The following DCLK1 variants were observed in gnomAD, a reference collection of about 807,000 sequenced individuals.
DCLK1 encodes the protein doublecortin like kinase 1, also known as serine/threonine-protein kinase DCLK1.
A neutral mutation model predicts 86.2 loss-of-function variants in DCLK1; 16 were observed. The observed-to-expected ratio is 0.19, with a 90% confidence interval of 0.13 to 0.28. The LOEUF is 0.28. DCLK1 is among the 10% of genes least tolerant of loss of function. The probability of loss-of-function intolerance (pLI) is 1.00; values close to 1 mark genes in which losing one functional copy is unlikely to be tolerated. For synonymous variants in DCLK1, 369 were observed against 370.5 expected, an observed-to-expected ratio of 1.00 and a Z score of 0.05; for missense variants, 590 against 940.2, an observed-to-expected ratio of 0.63 and a Z score of 4.87.
At chr13:35,917,083 A>C (rs1377365870) in intron 4 of DCLK1, among the ~76,000 whole-genome samples, 1 of 152,116 alleles carries the variant, frequency 6.6e-6, no homozygotes, top group African/African-American at 2.4e-5. Flanking sequence ...ATGACACTTA[A>C]CTCATACCCT....
At chr13:36,021,112 AGAG>A (rs1460125884) in intron 3 of DCLK1, among the ~76,000 whole-genome samples, 2 of 152,162 alleles carry the variant, frequency 1.3e-5, no homozygotes, top group Admixed American at 6.5e-5. Flanking sequence ...ATAGCACAAA[AGAG>A]GAGGAAGGAG....
At chr13:35,843,284 T>C (rs1230515979) in intron 6 of DCLK1, among the ~76,000 whole-genome samples, 1 of 152,196 alleles carries the variant, frequency 6.6e-6, no homozygotes, top group Non-Finnish European at 1.5e-5. Context: ...AGAGATATTG[T>C]GACATTTGAA....
At chr13:35,827,806 C>T in intron 9 of DCLK1, 52 bp from the exon 10 acceptor site, 1 of 1,604,608 alleles carries the variant, frequency 6.2e-7, no homozygotes, top group Non-Finnish European at 8.5e-7. Flanking sequence ...ATGTGGAGGG[C>T]TAACTCAAAT....
In DCLK1 at chr13:35,949,677, G is replaced by A. The variant is rs576280276; in HGVS notation, c.724-2220C>T. Among the ~76,000 whole-genome samples, 13 of 152,200 alleles carry A rather than the reference G, an allele frequency of 8.5e-5. No individual in the cohort carries two copies. In the East Asian group the frequency reaches 1.9e-3, roughly 23 times the overall value. ...ACTCATCGGTGTGTGCATATTTCAC[G>A]CCACTTCTATGTGGAAAAATAACCA... On this transcript the variant is annotated intron_variant, in intron 3 of 16. Transcript: ENST00000360631.
At chr13:36,107,269 C>A (rs1454607576) in intron 3 of DCLK1, among the ~76,000 whole-genome samples, 6 of 151,450 alleles carry the variant, frequency 4.0e-5, no homozygotes, top group African/African-American at 1.5e-4. Flanking sequence ...CTGAGTAATT[C>A]CTAATGTTTT....
At chr13:35,976,427 G>A (rs1266753183) in intron 3 of DCLK1, among the ~76,000 whole-genome samples, 1 of 151,808 alleles carries the variant, frequency 6.6e-6, no homozygotes, top group African/African-American at 2.4e-5. Context: ...AGGGATGTTG[G>A]TGAACCCTTA....
intron 16 of DCLK1, among the ~76,000 whole-genome samples, chr13:35,789,848 T>C (rs777689644): frequency 5.3e-5 from 8 of 152,138 alleles, no homozygotes; most frequent in Non-Finnish European, 1.2e-4. Context: ...TGTCTATAAA[T>C]TGCATTTTAA....
intron 5 of DCLK1, among the ~76,000 whole-genome samples, chr13:35,870,680 C>T (rs1238141243): frequency 2.0e-5 from 3 of 152,174 alleles, no homozygotes; most frequent in African/African-American, 7.2e-5. Context: ...GGTTGAGGTG[C>T]TCATCTTGTG....
chr13:36,015,882 T>C (rs1490940510), intron 3 of DCLK1, among the ~76,000 whole-genome samples: 4 of 152,218 alleles, frequency 2.6e-5, no homozygotes, highest in Admixed American at 2.6e-4. Context: ...GTTAGAAGAC[T>C]GTCCTCATGA....
At chr13:36,065,593 T>C (rs1249036507) in intron 3 of DCLK1, among the ~76,000 whole-genome samples, 1 of 151,990 alleles carries the variant, frequency 6.6e-6, no homozygotes, top group East Asian at 1.9e-4. Flanking sequence ...ATAGTAGAGG[T>C]TTAAACCCTC....
chr13:35,803,347 G>A (rs887929143), intron 15 of DCLK1, among the ~76,000 whole-genome samples: 4 of 152,180 alleles, frequency 2.6e-5, no homozygotes, highest in Non-Finnish European at 5.9e-5. Flanking sequence ...TGCAGATGTT[G>A]TTGAGGCTGG....
chr13:35,799,894 A>G (rs2086885528), intron 15 of DCLK1, among the ~76,000 whole-genome samples: 2 of 152,174 alleles, frequency 1.3e-5, no homozygotes, highest in African/African-American at 4.8e-5. Flanking sequence ...TTTTATTCTT[A>G]TATTATAATA....
At chr13:35,869,626 CCTTT>C (rs1186582678) in intron 5 of DCLK1, among the ~76,000 whole-genome samples, 1 of 152,144 alleles carries the variant, frequency 6.6e-6, no homozygotes, top group African/African-American at 2.4e-5. Flanking sequence ...GCATTTACTT[CCTTT>C]CTGTTTTCCA....
intron 3 of DCLK1, among the ~76,000 whole-genome samples, chr13:35,958,279 T>TTACTACTATAACCACCACTACCACCAC (rs1593768854): frequency 2.4e-4 from 2 of 8,264 alleles, no homozygotes; most frequent in East Asian, 6.0e-3. Context: ...ATTACCACCA[T>TTACTACTATAACCACCACTACCACCAC]CACTGCCACT....
chr13:35,811,083 T>C (rs988234708), intron 11 of DCLK1, 115 bp from the exon 12 acceptor site: 128 of 1,315,218 alleles, frequency 9.7e-5, no homozygotes, highest in Non-Finnish European at 1.3e-4. Context: ...AAAAATAAAT[T>C]AGGCAATTAT....
rs147093770 is a variant in DCLK1 at position 35,956,490 on chromosome 13, A to G, written c.724-9033T>C. Among the ~76,000 whole-genome samples the G allele has an allele frequency of 5.4e-3, 815 of 152,252 alleles. 9 individuals are homozygous for G. The highest frequency in any genetic ancestry group is 4.8e-3 in the Non-Finnish European group (329 of 68,022). ...AGAAACATGAAGCCACATAATACAG[A>G]ATATTTTGGAGATCCTTAAGGGGTA... On this transcript the variant is annotated intron_variant, in intron 3 of 16. Transcript: ENST00000360631.
At chr13:35,969,166 T>G (rs1205604869) in intron 3 of DCLK1, among the ~76,000 whole-genome samples, 1 of 152,144 alleles carries the variant, frequency 6.6e-6, no homozygotes, top group Admixed American at 6.6e-5. Flanking sequence ...ATAATGTGAG[T>G]GTCTGAAGTC....
chr13:35,928,479 C>T (rs1286863221), intron 4 of DCLK1, among the ~76,000 whole-genome samples: 1 of 152,132 alleles, frequency 6.6e-6, no homozygotes, highest in Non-Finnish European at 1.5e-5. Flanking sequence ...TGAAGTCTTG[C>T]CCCCTGCAGC....
At chr13:36,054,750 T>G (rs924150678) in intron 3 of DCLK1, among the ~76,000 whole-genome samples, 1 of 152,206 alleles carries the variant, frequency 6.6e-6, no homozygotes, top group South Asian at 2.1e-4. Context: ...ATTTAAGAGA[T>G]AAGGAAACAG....
Sources: gnomAD v4.1 joint callset for allele counts (sites outside exome capture counted in the v4.1 genomes callset) on GRCh38, gnomAD v4.1.1 for gene constraint, MANE v1.5 for transcripts, NCBI Gene and HGNC (gene_info 2026-07-23, HGNC 2026-07-21) for gene names.